PPP6R3: variants seen among roughly 807,000 people sequenced by gnomAD.
PPP6R3 encodes protein phosphatase 6 regulatory subunit 3, also known as serine/threonine-protein phosphatase 6 regulatory subunit 3.
In PPP6R3, 38 loss-of-function variants were observed where a neutral mutation model predicts 110.7. That is an observed-to-expected ratio of 0.34 (90% CI 0.26 to 0.45). The LOEUF is 0.45. Among genes scored for constraint, PPP6R3 ranks in the 20% least tolerant of loss-of-function variants. The pLI is 1.00. For missense variants in PPP6R3, 870 were observed against 1,062.4 expected, an observed-to-expected ratio of 0.82 and a Z score of 2.52; for synonymous variants, 369 against 373.5, an observed-to-expected ratio of 0.99 and a Z score of 0.14.
In PPP6R3 at chr11:68,614,560, A is replaced by ACAT. The variant is rs1292506740; in HGVS notation, c.*1444_*1446dup. 4.7e-6 allele frequency: 7 copies of ACAT among 1,499,320 alleles called. No homozygotes were observed. In the African/African-American group the frequency reaches 1.0e-4, roughly 21 times the overall value. 92.9% of individuals were successfully genotyped at this position (1,499,320 alleles called of 1,614,324 possible). Reference sequence around the variant, plus strand: ...ATCCCAAGCAGCGTGCCTAAACATTACATTGCATATGGAAATAAAAGAATC... The same window carrying ACAT: ...ATCCCAAGCAGCGTGCCTAAACATTACATCATTGCATATGGAAATAAAAGAATC... On this transcript the variant is annotated 3_prime_UTR_variant, in exon 24 of 24. Transcript: ENST00000393800.
At chr11:68,495,102 G>C (rs1411510815) in intron 1 of PPP6R3, among the ~76,000 whole-genome samples, 1 of 152,180 alleles carries the variant, frequency 6.6e-6, no homozygotes, top group Non-Finnish European at 1.5e-5. Context: ...GATGGAAATA[G>C]GGTGGCATTT....
chr11:68,484,736 C>T (rs1399146998), intron 1 of PPP6R3, among the ~76,000 whole-genome samples: 11 of 151,880 alleles, frequency 7.2e-5, no homozygotes, highest in East Asian at 1.9e-4. Context: ...TACAGGTGCC[C>T]GCCACCACGC....
At chr11:68,509,589 TTTAGAG>T (rs918783133) in intron 1 of PPP6R3, among the ~76,000 whole-genome samples, 2 of 151,006 alleles carry the variant, frequency 1.3e-5, no homozygotes, top group Non-Finnish European at 2.9e-5. Context: ...AACAAGAAAA[TTTAGAG>T]TTAATTTACC....
chr11:68,591,491 A>G (rs1265045027), intron 17 of PPP6R3, 85 bp from the exon 18 acceptor site: 2 of 1,323,232 alleles, frequency 1.5e-6, no homozygotes, highest in African/African-American at 3.0e-5. Flanking sequence ...CAGTGAAAAA[A>G]TGCAATTTAC....
At position 68,614,602 on chromosome 11, in the gene PPP6R3, A is replaced by C. The variant is rs1594236267; in HGVS notation, c.*1485A>C. Reference sequence around the variant, plus strand: ...AAAAGAATCAAACGTCTAATGCCTTATTATTTCTGATTTCCTTTTTCATTT... The same window carrying C: ...AAAAGAATCAAACGTCTAATGCCTTCTTATTTCTGATTTCCTTTTTCATTT... On this transcript the variant is annotated 3_prime_UTR_variant, in exon 24 of 24. Transcript: ENST00000393800. 1 of 862,650 alleles carries C rather than the reference A, an allele frequency of 1.2e-6. No individual in the cohort carries two copies. The highest frequency in any genetic ancestry group is 4.4e-5 in the East Asian group (1 of 22,768). The allele number at this position is 862,650 out of a possible 1,614,324, so 53.4% of individuals were successfully genotyped here.
intron 21 of PPP6R3, among the ~76,000 whole-genome samples, chr11:68,602,914 G>A (rs1410066872): frequency 2.0e-5 from 3 of 152,114 alleles, no homozygotes; most frequent in East Asian, 1.9e-4. Context: ...ACAAAGAAAC[G>A]ATCCACCAGC....
intron 13 of PPP6R3, among the ~76,000 whole-genome samples, chr11:68,575,622 A>C (rs1018989876): frequency 4.6e-5 from 7 of 152,198 alleles, no homozygotes; most frequent in African/African-American, 1.7e-4. Flanking sequence ...AGCTTGTTGG[A>C]AACACACTTT....
intron 1 of PPP6R3, among the ~76,000 whole-genome samples, chr11:68,477,741 A>AAAAAAAAAGAT: frequency 1.7e-5 from 1 of 57,894 alleles, no homozygotes; most frequent in Non-Finnish European, 3.3e-5. Flanking sequence ...AAAAAAAAAA[A>AAAAAAAAAGAT]ATATATATAT....
At position 68,463,171 on chromosome 11, in the gene PPP6R3, C is replaced by T. The variant is rs117878639; in HGVS notation, c.-158+2344C>T. Reference sequence around the variant, plus strand: ...GGCGGATCACTTAAGGTCAGGAGTTCGAGACCAGGCCAACATGTGAAACCT... The same window carrying T: ...GGCGGATCACTTAAGGTCAGGAGTTTGAGACCAGGCCAACATGTGAAACCT... On this transcript the variant is annotated intron_variant, in intron 1 of 23. Transcript: ENST00000393800. 2.9e-3 allele frequency among the ~76,000 whole-genome samples: 448 copies of T among 151,882 alleles called. 11 individuals carry two copies. In the East Asian group the frequency reaches 0.072, roughly 24 times the overall value.
Position 68,596,877 on chromosome 11 carries a change from C to T in PPP6R3, c.2038+659C>T, listed in dbSNP as rs7102011. On this transcript the variant is annotated intron_variant, in intron 19 of 23. Coordinates refer to ENST00000393800, the MANE Select transcript of PPP6R3 (RefSeq NM_001164161.2). The stretch of plus-strand genomic sequence containing the variant: ...TGCCCTGCAAGGCCTTTTTTATGTT[C>T]ATCCCAGAGGCTGAAGCCCAGCTAG... Among the ~76,000 whole-genome samples the T allele has an allele frequency of 3.9e-3, 599 of 152,334 alleles. 2 individuals carry two copies. The highest frequency in any genetic ancestry group is 0.014 in the African/African-American group (574 of 41,572).
intron 3 of PPP6R3, among the ~76,000 whole-genome samples, chr11:68,538,276 T>A (rs747026136): frequency 1.8e-4 from 28 of 152,216 alleles, no homozygotes; most frequent in Admixed American, 6.5e-5. Context: ...GCATTGCTTA[T>A]ACAATACATT....
chr11:68,506,317 G>T (rs931156407), intron 1 of PPP6R3, among the ~76,000 whole-genome samples: 2 of 145,120 alleles, frequency 1.4e-5, no homozygotes, highest in African/African-American at 2.5e-5. Context: ...TTTTGCACAG[G>T]CTGATCTCTA....
At chr11:68,509,429 C>T (rs1482747696) in intron 1 of PPP6R3, among the ~76,000 whole-genome samples, 1 of 150,276 alleles carries the variant, frequency 6.7e-6, no homozygotes. Context: ...CTCAGTCCCT[C>T]TGGGCTTAAA....
In PPP6R3 at chr11:68,529,268, G is replaced by A. The variant is rs2099222104; in HGVS notation, c.-6-8391G>A. 2.0e-5 allele frequency among the ~76,000 whole-genome samples: 3 copies of A among 152,150 alleles called. No homozygotes were observed. The South Asian group carries it at 6.2e-4, about 32-fold the overall frequency. On this transcript the variant is annotated intron_variant, in intron 2 of 23. Transcript: ENST00000393800. ...GAGTCTCACTCTGTCTCCCAGGCTG[G>A]AGTGCAGTGGCACAATCTCGGCTCA...
At chr11:68,496,987 G>A (rs777828954) in intron 1 of PPP6R3, among the ~76,000 whole-genome samples, 9 of 149,184 alleles carry the variant, frequency 6.0e-5, no homozygotes, top group African/African-American at 2.2e-4. Context: ...TCAACCTCGC[G>A]AGTAGCTGGG....
In PPP6R3 at chr11:68,567,186, C is replaced by T; in HGVS notation, c.1128+20C>T. ...ATATTGGTGAGATTTTCCCTGCTCACAGACATTTTAATTTGCCATTGATAT... is the reference window on the plus strand; with the variant it reads ...ATATTGGTGAGATTTTCCCTGCTCATAGACATTTTAATTTGCCATTGATAT... On this transcript the variant is annotated intron_variant, in intron 10 of 23. Transcript: ENST00000393800. The T allele has an allele frequency of 6.6e-7, 1 of 1,517,926 alleles. No homozygotes were observed. The highest frequency in any genetic ancestry group is 8.9e-7 in the Non-Finnish European group (1 of 1,129,302). The allele number at this position is 1,517,926 out of a possible 1,614,324, so 94.0% of individuals were successfully genotyped here.
At chr11:68,549,943 T>A (rs890508750) in intron 5 of PPP6R3, among the ~76,000 whole-genome samples, 10 of 152,196 alleles carry the variant, frequency 6.6e-5, no homozygotes, top group African/African-American at 2.4e-4. Context: ...AGCAGGAGTC[T>A]GGGATTGATT....
chr11:68,597,598 G>A (rs1305776826), intron 19 of PPP6R3, among the ~76,000 whole-genome samples: 4 of 152,116 alleles, frequency 2.6e-5, no homozygotes, highest in African/African-American at 9.7e-5. Context: ...GCAGCAGGGA[G>A]GTGTGAGGAG....
intron 15 of PPP6R3, among the ~76,000 whole-genome samples, chr11:68,585,780 A>C (rs1482328512): frequency 6.6e-6 from 1 of 152,208 alleles, no homozygotes; most frequent in East Asian, 1.9e-4. Context: ...GTTGCTATGT[A>C]TCTCTCCAGA....
Sources: allele counts gnomAD v4.1 joint callset (sites outside exome capture counted in the v4.1 genomes callset), GRCh38; gene constraint gnomAD v4.1.1; transcripts MANE v1.5; gene names NCBI Gene and HGNC (gene_info 2026-07-23, HGNC 2026-07-21).